Variants in HS6ST3 observed in about 807,000 individuals in gnomAD.
HS6ST3 encodes heparan-sulfate 6-O-sulfotransferase 3.
In HS6ST3, 12 loss-of-function variants were observed where a neutral mutation model predicts 36.7. That is an observed-to-expected ratio of 0.33 (90% confidence interval 0.21 to 0.53). HS6ST3 has a LOEUF of 0.53. Among genes scored for constraint, HS6ST3 ranks in the 20% least tolerant of loss-of-function variants. The pLI is 0.95. For missense variants in HS6ST3, 584 were observed against 640.9 expected (o/e 0.91, Z 0.96); for synonymous variants, 240 against 257.5 (o/e 0.93, Z 0.65).
At chr13:96,312,028 T>A (rs1480490110) in intron 1 of HS6ST3, among the ~76,000 whole-genome samples, 1 of 152,154 alleles carries the variant, frequency 6.6e-6, no homozygotes, top group African/African-American at 2.4e-5. Flanking sequence ...TACAATGTCT[T>A]CCCCCTCCTG....
At chr13:96,515,531 A>G (rs2056068867) in intron 1 of HS6ST3, among the ~76,000 whole-genome samples, 1 of 152,198 alleles carries the variant, frequency 6.6e-6, no homozygotes, top group Non-Finnish European at 1.5e-5. Context: ...ACTCTTACTC[A>G]TCTTTCTCCT....
At chr13:96,148,038 T>C (rs1387934048) in intron 1 of HS6ST3, among the ~76,000 whole-genome samples, 3 of 152,184 alleles carry the variant, frequency 2.0e-5, no homozygotes, top group Non-Finnish European at 4.4e-5. Context: ...AAAAATTGGG[T>C]AAATAATTAT....
chr13:96,759,991 G>T (rs1876925254), intron 1 of HS6ST3, among the ~76,000 whole-genome samples: 1 of 150,120 alleles, frequency 6.7e-6, no homozygotes, highest in Non-Finnish European at 1.5e-5. Flanking sequence ...CTTAGGACAT[G>T]TTTTTTTTTG....
chr13:96,489,628 G>T (rs2138904600), intron 1 of HS6ST3, among the ~76,000 whole-genome samples: 1 of 151,578 alleles, frequency 6.6e-6, no homozygotes, highest in East Asian at 1.9e-4. Flanking sequence ...CTTTCTTTAG[G>T]CGAGGCTGTA....
chr13:96,185,884 A>G lies in HS6ST3; in HGVS notation c.707+94315A>G, dbSNP rs72638063. 4.6e-3 allele frequency among the ~76,000 whole-genome samples: 697 copies of G among 152,296 alleles called. 6 individuals carry two copies. The highest frequency in any genetic ancestry group is 7.3e-3 in the Non-Finnish European group (494 of 68,034). ...TTTACCATAGGATATTTGCAATGGG[A>G]AACGTTTATTCGCATGTACAGAACC... On this transcript the variant is annotated intron_variant, in intron 1 of 1. Transcript: ENST00000376705.
At chr13:96,433,751 A>G (rs2055627767) in intron 1 of HS6ST3, among the ~76,000 whole-genome samples, 1 of 152,150 alleles carries the variant, frequency 6.6e-6, no homozygotes, top group Non-Finnish European at 1.5e-5. Context: ...CCTGGCCAAC[A>G]TGGTGAAACC....
intron 1 of HS6ST3, among the ~76,000 whole-genome samples, chr13:96,722,480 C>T (rs780909048): frequency 1.3e-5 from 2 of 152,130 alleles, no homozygotes; most frequent in Non-Finnish European, 2.9e-5. Flanking sequence ...TCTCAAGAAA[C>T]TTTCCCCCGG....
intron 1 of HS6ST3, among the ~76,000 whole-genome samples, chr13:96,276,253 TCCCTCCAG>T (rs1382526090): frequency 2.0e-5 from 3 of 152,142 alleles, no homozygotes; most frequent in Non-Finnish European, 4.4e-5. Context: ...GCCTTGTTCC[TCCCTCCAG>T]CCCTGTCTTC....
intron 1 of HS6ST3, among the ~76,000 whole-genome samples, chr13:96,543,400 C>T (rs2056185663): frequency 6.6e-6 from 1 of 152,180 alleles, no homozygotes; most frequent in East Asian, 1.9e-4. Flanking sequence ...TCAGAAGACA[C>T]ATTGAGAAAA....
chr13:96,562,822 T>C (rs2056267125), intron 1 of HS6ST3, among the ~76,000 whole-genome samples: 2 of 152,052 alleles, frequency 1.3e-5, no homozygotes, highest in Non-Finnish European at 1.5e-5. Context: ...GAGCCCTCCA[T>C]GGAACAGTCA....
chr13:96,220,159 AC>A (rs2054448437), intron 1 of HS6ST3, among the ~76,000 whole-genome samples: 2 of 152,246 alleles, frequency 1.3e-5, no homozygotes, highest in African/African-American at 4.8e-5. Context: ...GATGGTGAAC[AC>A]AGTGTCTATC....
intron 1 of HS6ST3, among the ~76,000 whole-genome samples, chr13:96,604,567 C>G (rs2056432048): frequency 6.6e-6 from 1 of 152,092 alleles, no homozygotes; most frequent in Non-Finnish European, 1.5e-5. Context: ...TAAATGGCAT[C>G]AATGATAATA....
intron 1 of HS6ST3, among the ~76,000 whole-genome samples, chr13:96,203,002 C>T (rs1312353440): frequency 6.6e-6 from 1 of 152,124 alleles, no homozygotes; most frequent in Non-Finnish European, 1.5e-5. Context: ...CTCATTCACT[C>T]ACTCCCTCAC....
intron 1 of HS6ST3, among the ~76,000 whole-genome samples, chr13:96,346,364 G>A (rs1053967952): frequency 6.6e-6 from 1 of 152,058 alleles, no homozygotes; most frequent in Non-Finnish European, 1.5e-5. Context: ...CATGAGATCA[G>A]GAGATCAAGA....
intron 1 of HS6ST3, among the ~76,000 whole-genome samples, chr13:96,351,489 T>C (rs538631324): frequency 6.6e-6 from 1 of 152,186 alleles, no homozygotes; most frequent in Non-Finnish European, 1.5e-5. Flanking sequence ...TTTTTCTATG[T>C]TTTGTAGAGA....
intron 1 of HS6ST3, among the ~76,000 whole-genome samples, chr13:96,242,792 T>G (rs2054567121): frequency 6.6e-6 from 1 of 152,188 alleles, no homozygotes; most frequent in Non-Finnish European, 1.5e-5. Flanking sequence ...AGAAATAGAA[T>G]TACCATAGAA....
intron 1 of HS6ST3, among the ~76,000 whole-genome samples, chr13:96,831,954 CAAAAAAAAAAAA>C (rs35266831): frequency 7.8e-4 from 17 of 21,856 alleles, no homozygotes; most frequent in Middle Eastern, 0.028. Flanking sequence ...GACTCCCTCT[CAAAAAAAAAAAA>C]AAAAAAAAAA....
intron 1 of HS6ST3, among the ~76,000 whole-genome samples, chr13:96,575,761 T>C (rs111475668): frequency 0.011 from 1,605 of 152,374 alleles, 27 homozygotes; most frequent in African/African-American, 0.031. Flanking sequence ...CAGCAAGTTT[T>C]CTTCTCGCCT....
In HS6ST3 at chr13:96,442,148, A is replaced by G. The variant is rs560264236; in HGVS notation, c.707+350579A>G. 9.9e-5 allele frequency among the ~76,000 whole-genome samples: 15 copies of G among 152,072 alleles called. 1 individual carries two copies. Among genetic ancestry groups the G allele is most frequent in the African/African-American group, 3.6e-4 (15 of 41,452 alleles). ...GTGATCCTCCCACCTCAGCCTCCCA[A>G]GTGGCTGGGACGACAGGTGTGCACA... On this transcript the variant is annotated intron_variant, in intron 1 of 1. Transcript: ENST00000376705.
Sources: gnomAD v4.1 joint callset for allele counts (sites outside exome capture counted in the v4.1 genomes callset) on GRCh38, gnomAD v4.1.1 for gene constraint, MANE v1.5 for transcripts, NCBI Gene and HGNC (gene_info 2026-07-23, HGNC 2026-07-21) for gene names.